The following NOSTRIN variants were observed in gnomAD, a reference collection of about 807,000 sequenced individuals.
The protein encoded by NOSTRIN is nitric oxide synthase trafficking, also known as BM247 homolog.
NOSTRIN carries 63 observed loss-of-function variants against 59.0 expected under a neutral mutation model. That is an observed-to-expected ratio of 1.07 (90% CI 0.87 to 1.32). The LOEUF is 1.32. Among genes scored for constraint, NOSTRIN ranks in the 40% most tolerant of loss-of-function variants. The pLI, the probability that NOSTRIN is intolerant of heterozygous loss-of-function variation, is 0.00. For missense variants in NOSTRIN, 512 were observed against 473.1 expected (o/e 1.08, Z -0.76); for synonymous variants, 200 against 165.4 (o/e 1.21, Z -1.61).
chr2:168,811,773 G>C (rs539048200), intron 2 of NOSTRIN, 121 bp downstream of exon 2: 1 of 504,024 alleles, frequency 2.0e-6, no homozygotes, highest in African/African-American at 2.0e-5. Flanking sequence ...TTTGGTACTC[G>C]AGAGATTGCT....
At chr2:168,859,724 T>G in intron 13 of NOSTRIN, 87 bp downstream of exon 13, 2 of 1,489,638 alleles carry the variant, frequency 1.3e-6, no homozygotes, top group Non-Finnish European at 1.8e-6. Context: ...AAAAAGGTGT[T>G]AGGAATTCTA....
chr2:168,790,636 A>G (rs755672615), intron 2 of NOSTRIN, among the ~76,000 whole-genome samples: 29 of 152,254 alleles, frequency 1.9e-4, no homozygotes, highest in Admixed American at 2.0e-4. Context: ...CAGGAAAGCC[A>G]AGGAGGAGCT....
chr2:168,864,805 G>A, intron 15 of NOSTRIN, 29 bp from the exon 16 acceptor site: 1 of 1,612,754 alleles, frequency 6.2e-7, no homozygotes, highest in South Asian at 1.1e-5. Flanking sequence ...ACATCACAGA[G>A]ACCCATTTGT....
chr2:168,830,112 C>G (rs1244801487), intron 5 of NOSTRIN, among the ~76,000 whole-genome samples: 1 of 152,122 alleles, frequency 6.6e-6, no homozygotes, highest in Admixed American at 6.5e-5. Flanking sequence ...CCTTTGCAAG[C>G]CAACTTAATA....
intron 2 of NOSTRIN, among the ~76,000 whole-genome samples, chr2:168,789,320 A>G (rs925223712): frequency 3.9e-5 from 6 of 152,262 alleles, no homozygotes; most frequent in African/African-American, 1.4e-4. Flanking sequence ...AAGAGGTTTA[A>G]TAGGCTCACA....
intron 2 of NOSTRIN, among the ~76,000 whole-genome samples, chr2:168,790,053 T>C (rs1010848440): frequency 2.0e-4 from 31 of 152,312 alleles, no homozygotes; most frequent in African/African-American, 5.3e-4. Flanking sequence ...TCATTCTTGT[T>C]TTAGTCAAGC....
At chr2:168,804,756 T>G (rs971821732) in intron 1 of NOSTRIN, among the ~76,000 whole-genome samples, 13 of 152,140 alleles carry the variant, frequency 8.5e-5, no homozygotes, top group Non-Finnish European at 1.3e-4. Context: ...TTGCATGAAC[T>G]TCAGTGAAAA....
chr2:168,855,807 T>A (rs1689066131), intron 11 of NOSTRIN: 1 of 443,432 alleles, frequency 2.3e-6, no homozygotes, highest in Non-Finnish European at 4.4e-6. Context: ...TGCATGAGAG[T>A]TTTGGATGAG....
upstream of NOSTRIN, chr2:168,801,271 T>C (rs78774207): frequency 6.6e-6 from 1 of 151,564 alleles, no homozygotes; most frequent in Non-Finnish European, 1.5e-5. Context: ...TTTTTTTTTT[T>C]TTAGAAGTAG....
chr2:168,849,106 T>A (rs1444327760), intron 8 of NOSTRIN, among the ~76,000 whole-genome samples: 3 of 152,166 alleles, frequency 2.0e-5, no homozygotes, highest in Non-Finnish European at 4.4e-5. Context: ...GAGAACCCAG[T>A]GATCTTTGTG....
chr2:168,836,121 C>G (rs998216906), intron 7 of NOSTRIN, among the ~76,000 whole-genome samples: 1 of 152,200 alleles, frequency 6.6e-6, no homozygotes, highest in Non-Finnish European at 1.5e-5. Flanking sequence ...TTACAAGACT[C>G]TTATTTCTTT....
chr2:168,834,481 T>C (rs1294812716), intron 7 of NOSTRIN, among the ~76,000 whole-genome samples, 156 bp downstream of exon 7: 1 of 94,760 alleles, frequency 1.1e-5, no homozygotes, highest in African/African-American at 4.5e-5. Flanking sequence ...TTCCAAATCA[T>C]TACTGGCGTG....
In NOSTRIN at chr2:168,811,538, GT is replaced by G. The variant is rs551557124; in HGVS notation, c.28-22del. On this transcript the variant is annotated intron_variant, in intron 1 of 15. Coordinates refer to ENST00000317647, the MANE Select transcript of NOSTRIN (RefSeq NM_001039724.4). ...GTTGCTCGTAATCTTCCTGTTCATT[GT>G]TTTTTTGTTATTGTTCTTGTTTTTC... 6.6e-6 allele frequency: 5 copies of G among 759,888 alleles called. No individual in the cohort carries two copies. The African/African-American group carries it at 7.1e-5, about 11-fold the overall frequency. 47.1% of individuals were successfully genotyped at this position (759,888 alleles called of 1,614,324 possible).
At chr2:168,818,253 G>A (rs1430548598) in intron 2 of NOSTRIN, 1 of 435,524 alleles carries the variant, frequency 2.3e-6, no homozygotes, top group Non-Finnish European at 4.7e-6. Flanking sequence ...TCCTGTGCTC[G>A]CGAACTCCTC....
chr2:168,791,736 T>C (rs1685358556), intron 2 of NOSTRIN, among the ~76,000 whole-genome samples: 1 of 106,164 alleles, frequency 9.4e-6, no homozygotes, highest in African/African-American at 3.9e-5. Context: ...ATTTCTCTGA[T>C]GGCCAGTGAC....
intron 10 of NOSTRIN, among the ~76,000 whole-genome samples, chr2:168,852,642 T>C (rs1688838170): frequency 6.6e-6 from 1 of 152,174 alleles, no homozygotes; most frequent in South Asian, 2.1e-4. Context: ...GGATTAGAAG[T>C]ACAGCCAAAG....
chr2:168,799,504 C>T (rs1685562950), upstream of NOSTRIN, among the ~76,000 whole-genome samples: 1 of 152,170 alleles, frequency 6.6e-6, no homozygotes, highest in Admixed American at 6.5e-5. Context: ...GATGCCTCAC[C>T]TACCTGAGCC....
At chr2:168,810,054 C>T (rs1304827158) in intron 1 of NOSTRIN, among the ~76,000 whole-genome samples, 2 of 152,164 alleles carry the variant, frequency 1.3e-5, no homozygotes, top group Non-Finnish European at 2.9e-5. Flanking sequence ...GGGCCACATT[C>T]CAGGTGGCAG....
intron 13 of NOSTRIN, among the ~76,000 whole-genome samples, chr2:168,859,938 T>TA (rs1689340934): frequency 6.6e-5 from 10 of 152,242 alleles, no homozygotes; most frequent in Admixed American, 6.5e-4. Flanking sequence ...AAATTTCTAT[T>TA]AAATTGAAAT....
Sources: allele counts gnomAD v4.1 joint callset (sites outside exome capture counted in the v4.1 genomes callset), GRCh38; gene constraint gnomAD v4.1.1; transcripts MANE v1.5; gene names NCBI Gene and HGNC (gene_info 2026-07-23, HGNC 2026-07-21).